Variants in ZFP28 observed in about 807,000 individuals in gnomAD.
ZFP28 encodes zinc finger protein 28 homolog.
A neutral mutation model predicts 39.5 loss-of-function variants in ZFP28; 31 were observed. The ratio of observed to expected loss-of-function variants is 0.79; its 90% CI spans 0.59 to 1.06. The LOEUF (loss-of-function observed/expected upper bound fraction) is 1.06. Among genes scored for constraint, ZFP28 ranks in the 50% least tolerant of loss-of-function variants. The pLI, the probability that ZFP28 is intolerant of heterozygous loss-of-function variation, is 0.00. For synonymous variants in ZFP28, 400 were observed against 378.6 expected (o/e 1.06, Z -0.66); for missense variants, 925 against 1,048.4 (o/e 0.88, Z 1.63).
Position 56,550,073 on chromosome 19 carries a change from G to A in ZFP28, c.694G>A (p.Val232Met). 3.7e-6 allele frequency: 6 copies of A among 1,610,526 alleles called. No individual in the cohort carries two copies. Among genetic ancestry groups the A allele is most frequent in the Non-Finnish European group, 5.1e-6 (6 of 1,178,512 alleles). The change falls in exon 6 of 8, where the codon GTG becomes ATG. Residue 232 changes from valine (V) to methionine (M), a missense_variant. Transcript: ENST00000301318. ...CGTGCTTTTACCATTGCAGGGCTTG[G>A]TGACTATCAAAAACCTGGCTGTTGA... is the stretch of plus-strand genomic sequence containing the variant. ...DALFETQPGLVTIKNLAVDFR... is the reference protein window; with the variant it reads ...DALFETQPGLMTIKNLAVDFR...
chr19:56,550,977 G>A, intron 7 of ZFP28: 2 of 1,355,830 alleles, frequency 1.5e-6, no homozygotes, highest in Non-Finnish European at 1.9e-6. Context: ...ACCACAAATT[G>A]AAAGTTATGG....
chr19:56,545,284 C>G (rs1044653967), intron 2 of ZFP28, among the ~76,000 whole-genome samples: 5 of 152,124 alleles, frequency 3.3e-5, no homozygotes, highest in Non-Finnish European at 7.4e-5. Context: ...GATTCAACTC[C>G]CTCTGCAGTT....
chr19:56,554,673 T>C lies in ZFP28; in HGVS notation c.1888T>C (p.Ser630Pro). Reference protein sequence around the residue: ...AECGKSFSISSQLATHQRIHT... With the variant: ...AECGKSFSISPQLATHQRIHT... ...GTGTGGAAAATCCTTCAGCATCAGTTCTCAGCTTGCCACTCATCAGAGAAT... is the reference window on the plus strand; with the variant it reads ...GTGTGGAAAATCCTTCAGCATCAGTCCTCAGCTTGCCACTCATCAGAGAAT... The change falls in exon 8 of 8, where the codon TCT becomes CCT. Residue 630 changes from serine (S) to proline (P), a missense_variant. By Grantham distance (74) the Ser-to-Pro change is moderately conservative. Transcript: ENST00000301318. This position sits in a 1 kb window ranked among gnomAD's most constrained non-coding sequence, Gnocchi z 6.7. 1 of 1,613,400 alleles carries C rather than the reference T, an allele frequency of 6.2e-7. No homozygotes were observed. Among genetic ancestry groups the C allele is most frequent in the Non-Finnish European group, 8.5e-7 (1 of 1,179,470 alleles).
chr19:56,540,353 G>C (rs1197919357), intron 2 of ZFP28, among the ~76,000 whole-genome samples: 1 of 152,224 alleles, frequency 6.6e-6, no homozygotes, highest in Non-Finnish European at 1.5e-5. Flanking sequence ...AATATGAAAG[G>C]CTTTTCCACT....
At chr19:56,540,459 C>T (rs1017379212) in intron 2 of ZFP28, among the ~76,000 whole-genome samples, 9 of 152,190 alleles carry the variant, frequency 5.9e-5, no homozygotes, top group African/African-American at 1.9e-4. Flanking sequence ...ATAGATGAAC[C>T]ATTTCACTTC....
chr19:56,543,309 G>A (rs943665177), intron 2 of ZFP28, among the ~76,000 whole-genome samples: 2 of 147,782 alleles, frequency 1.4e-5, no homozygotes, highest in African/African-American at 2.5e-5. Context: ...CTTTGTGTGT[G>A]TGCGTGTGTT....
chr19:56,555,161 A>G lies in ZFP28; in HGVS notation c.2376A>G (p.Lys792=). The G allele has an allele frequency of 6.2e-7, 1 of 1,614,214 alleles. No homozygotes were observed. Among genetic ancestry groups the G allele is most frequent in the East Asian group, 2.2e-5 (1 of 44,882 alleles). ...CATATGAATGTAAGGAATGTAGGAA[A>G]ACCTTCATCCAAATTGGACACCTTA... ...KKPYECKECR[K]TFIQIGHLNQ... Residue 792 remains lysine, a synonymous_variant, in exon 8 of 8, where the codon AAA becomes AAG. Coordinates refer to ENST00000301318, the MANE Select transcript of ZFP28 (RefSeq NM_020828.2).
At chr19:56,538,915 G>A, upstream of ZFP28, 2 of 1,070,378 alleles carry the variant, frequency 1.9e-6, no homozygotes, top group Non-Finnish European at 2.4e-6. Flanking sequence ...CGGGCCATGG[G>A]GGAGCGCGCG....
upstream of ZFP28, chr19:56,538,798 G>A (rs1600535759): frequency 8.8e-6 from 1 of 114,032 alleles, no homozygotes; most frequent in Non-Finnish European, 1.8e-5. Context: ...GGGGCGGGGC[G>A]GGGCGGGGCG....
chr19:56,540,630 G>A (rs1227678389), intron 2 of ZFP28, among the ~76,000 whole-genome samples: 1 of 152,194 alleles, frequency 6.6e-6, no homozygotes, highest in African/African-American at 2.4e-5. Flanking sequence ...CTCAGAGGCT[G>A]GCAAACTTGT....
Position 56,554,309 on chromosome 19 carries a change from C to A in ZFP28, c.1524C>A (p.Ile508=), listed in dbSNP as rs376402856. ...CTGGGGAGAAACCCTTTGATTGCAT[C>A]GATTGTGGGAAAGCCTTCAGTGACC... is the stretch of plus-strand genomic sequence containing the variant. ...YHTGEKPFDC[I]DCGKAFSDHI... Residue 508 remains isoleucine, a synonymous_variant, in exon 8 of 8, where the codon ATC becomes ATA. Transcript: ENST00000301318. The surrounding 1 kb of genome is among the most constrained non-coding windows in gnomAD (Gnocchi z 6.7). 10 of 1,613,892 alleles carry A rather than the reference C, an allele frequency of 6.2e-6. No individual in the cohort carries two copies. Among genetic ancestry groups the A allele is most frequent in the Non-Finnish European group, 7.6e-6 (9 of 1,180,022 alleles).
intron 2 of ZFP28, among the ~76,000 whole-genome samples, chr19:56,541,930 T>C (rs942653011): frequency 1.4e-5 from 2 of 141,666 alleles, no homozygotes; most frequent in African/African-American, 5.5e-5. Flanking sequence ...TTTCACCATG[T>C]TGGCCAGGCT....
chr19:56,554,315 T>C lies in ZFP28; in HGVS notation c.1530T>C (p.Cys510=). Reference sequence around the variant, plus strand: ...AGAAACCCTTTGATTGCATCGATTGTGGGAAAGCCTTCAGTGACCACATAG... The same window carrying C: ...AGAAACCCTTTGATTGCATCGATTGCGGGAAAGCCTTCAGTGACCACATAG... ...TGEKPFDCID[C]GKAFSDHIGL... The change falls in exon 8 of 8, where the codon TGT becomes TGC. Residue 510 remains cysteine, a synonymous_variant. Coordinates refer to ENST00000301318, the MANE Select transcript of ZFP28 (RefSeq NM_020828.2). This position sits in a 1 kb window ranked among gnomAD's most constrained non-coding sequence, Gnocchi z 6.7. 1.2e-6 allele frequency: 2 copies of C among 1,614,184 alleles called. No individual in the cohort carries two copies. The highest frequency in any genetic ancestry group is 1.7e-6 in the Non-Finnish European group (2 of 1,180,034).
chr19:56,553,842 C>A lies in ZFP28; in HGVS notation c.1057C>A (p.Gln353Lys). Residue 353 changes from glutamine (Q) to lysine (K), a missense_variant, in exon 8 of 8, where the codon CAA (glutamine) becomes AAA (lysine). This residue lies in a region of ZFP28 where 556 missense variants were observed against 542.9 expected (regional missense o/e 1.02). Transcript: ENST00000301318. Reference sequence around the variant, plus strand: ...GTTTGGAAGGAAGCTTGCAGTAGGTCAAGAGACACAATTCAGGCAAGAGCC... The same window carrying A: ...GTTTGGAAGGAAGCTTGCAGTAGGTAAAGAGACACAATTCAGGCAAGAGCC... ...YVFGRKLAVGQETQFRQEPIT... is the reference protein window; with the variant it reads ...YVFGRKLAVGKETQFRQEPIT... 1 of 1,614,022 alleles carries A rather than the reference C, an allele frequency of 6.2e-7. No homozygotes were observed. Among genetic ancestry groups the A allele is most frequent in the South Asian group, 1.1e-5 (1 of 91,056 alleles).
In ZFP28 at chr19:56,547,681, T is replaced by G; in HGVS notation, c.427+47T>G. Reference sequence around the variant, plus strand: ...CCCACCCCTCACCCTACCCACGTCCTGGACTAAGAAGCCTTTCATGCCTTT... The same window carrying G: ...CCCACCCCTCACCCTACCCACGTCCGGGACTAAGAAGCCTTTCATGCCTTT... On this transcript the variant is annotated intron_variant, in intron 3 of 7. Coordinates refer to ENST00000301318, the MANE Select transcript of ZFP28 (RefSeq NM_020828.2). This position sits in a 1 kb window ranked among gnomAD's most constrained non-coding sequence, Gnocchi z 4.6. 1 of 1,479,520 alleles carries G rather than the reference T, an allele frequency of 6.8e-7. No homozygotes were observed. Among genetic ancestry groups the G allele is most frequent in the Non-Finnish European group, 9.2e-7 (1 of 1,085,096 alleles). 91.6% of individuals were successfully genotyped at this position (1,479,520 alleles called of 1,614,324 possible).
Position 56,556,707 on chromosome 19 carries a change from A to T in ZFP28, c.*1315A>T, listed in dbSNP as rs2044355348. 2 of 152,206 alleles carry T rather than the reference A, an allele frequency of 1.3e-5. No individual in the cohort carries two copies. Among genetic ancestry groups the T allele is most frequent in the Admixed American group, 1.3e-4 (2 of 15,284 alleles). 9.4% of individuals were successfully genotyped at this position (152,206 alleles called of 1,614,324 possible). On this transcript the variant is annotated 3_prime_UTR_variant, in exon 8 of 8. Coordinates refer to ENST00000301318, the MANE Select transcript of ZFP28 (RefSeq NM_020828.2). ...CACATCAGAAACAAGAAAACAAATG[A>T]TAAAGGAACTCATTTATCAATAGAG...
chr19:56,549,116 C>T lies in ZFP28; in HGVS notation c.682C>T (p.Gln228Ter), dbSNP rs778841670. 2.2e-5 allele frequency: 35 copies of T among 1,602,730 alleles called. No individual in the cohort carries two copies. Among genetic ancestry groups the T allele is most frequent in the Non-Finnish European group, 3.0e-5 (35 of 1,174,834 alleles). The change falls in exon 5 of 8, where the codon CAG (glutamine) becomes TAG (stop). Residue 228 changes from glutamine to a stop codon, truncating the protein, a stop_gained. Coordinates refer to ENST00000301318, the MANE Select transcript of ZFP28 (RefSeq NM_020828.2). LOFTEE classifies it high-confidence loss of function. ...GGATTATGATGCTCTGTTTGAGACA[C>T]AGCCGGTAAGTCACAAGACAAATTT... ...HWDYDALFET[Q>*]PGLVTIKNLA... is the part of the protein sequence containing the mutation.
chr19:56,543,367 T>G (rs1003888818), intron 2 of ZFP28, among the ~76,000 whole-genome samples: 1 of 140,034 alleles, frequency 7.1e-6, no homozygotes, highest in African/African-American at 2.7e-5. Context: ...ATATATATAT[T>G]AATATATGTA....
In ZFP28 at chr19:56,547,294, C is replaced by A; in HGVS notation, c.301-214C>A. ...TTCCTGTTTTAATAAGGACACCAGA[C>A]AGATTGGGTTAGGGCCCCACCCATA... On this transcript the variant is annotated intron_variant, in intron 2 of 7. Coordinates refer to ENST00000301318, the MANE Select transcript of ZFP28 (RefSeq NM_020828.2). This position sits in a 1 kb window ranked among gnomAD's most constrained non-coding sequence, Gnocchi z 4.6. 1.6e-6 allele frequency: 1 copy of A among 610,348 alleles called. No homozygotes were observed. Among genetic ancestry groups the A allele is most frequent in the Non-Finnish European group, 2.8e-6 (1 of 356,306 alleles). 37.8% of individuals were successfully genotyped at this position (610,348 alleles called of 1,614,324 possible).
Sources: allele counts gnomAD v4.1 joint callset (sites outside exome capture counted in the v4.1 genomes callset), GRCh38; gene constraint gnomAD v4.1.1; regional missense constraint gnomAD v4.1.1; non-coding constraint Gnocchi (gnomAD v3.1); transcripts MANE v1.5; gene names NCBI Gene and HGNC (gene_info 2026-07-23, HGNC 2026-07-21).